Variants in GOLGA6L10 observed in about 807,000 individuals in gnomAD.
GOLGA6L10 encodes golgin A6 family like 10, also known as golgin subfamily A member 6-like protein 10.
In GOLGA6L10, 4 loss-of-function variants were observed where a neutral mutation model predicts 56.9. The observed-to-expected ratio is 0.07, with a 90% confidence interval of 0.03 to 0.16. The LOEUF is 0.16. Ranked by LOEUF, GOLGA6L10 falls within the 10% of genes least tolerant of loss-of-function variation. The probability of loss-of-function intolerance (pLI) is 1.00; values close to 1 mark genes in which losing one functional copy is unlikely to be tolerated. For synonymous variants in GOLGA6L10, 11 were observed against 220.9 expected (o/e 0.05, Z 8.43); for missense variants, 34 against 558.3 (o/e 0.06, Z 9.46).
intron 1 of GOLGA6L10, among the ~76,000 whole-genome samples, chr15:82,347,954 T>A (rs1419726913): frequency 6.6e-6 from 1 of 152,244 alleles, no homozygotes; most frequent in African/African-American, 2.4e-5. Flanking sequence ...GCAGGAACTG[T>A]AGGCCGTGTG....
chr15:82,344,060 G>A (rs2075659208), intron 7 of GOLGA6L10, among the ~76,000 whole-genome samples: 1 of 150,526 alleles, frequency 6.6e-6, no homozygotes, highest in East Asian at 1.9e-4. Flanking sequence ...TCCAGACCTG[G>A]GAGGGCCCCA....
intron 1 of GOLGA6L10, among the ~76,000 whole-genome samples, chr15:82,348,109 C>T (rs2075698840): frequency 6.6e-6 from 1 of 151,660 alleles, no homozygotes; most frequent in African/African-American, 2.4e-5. Context: ...CAACCCAAGC[C>T]TCATTTCAGA....
rs1183060206 is a variant in GOLGA6L10 at position 82,340,382 on chromosome 15, A to C, written c.*2394T>G. ...ATTTACATTTTCACATTTTCTAAAA[A>C]TCAGCTTTGGTTTTAGAACTGATTG... On this transcript the variant is annotated 3_prime_UTR_variant, in exon 9 of 9. Coordinates refer to ENST00000610657, the MANE Select transcript of GOLGA6L10 (RefSeq NM_001164465.3). 6.6e-6 allele frequency: 1 copy of C among 151,574 alleles called. No homozygotes were observed. Among genetic ancestry groups the C allele is most frequent in the Non-Finnish European group, 1.5e-5 (1 of 67,850 alleles). The allele number at this position is 151,574 out of a possible 1,614,324, so 9.4% of individuals were successfully genotyped here. A position where few individuals can be genotyped will look rare whatever the true frequency, so the allele number is the denominator to read the frequency against.
chr15:82,342,689 T>A lies in GOLGA6L10; in HGVS notation c.*87A>T. On this transcript the variant is annotated 3_prime_UTR_variant, in exon 9 of 9. Coordinates refer to ENST00000610657, the MANE Select transcript of GOLGA6L10 (RefSeq NM_001164465.3). ...AAACACAAATAAACATAAGTGGCTC[T>A]AACATTCAAATGAAGTAAATGAATT... The A allele has an allele frequency of 6.3e-7, 1 of 1,581,030 alleles. No individual in the cohort carries two copies. Among genetic ancestry groups the A allele is most frequent in the Middle Eastern group, 2.3e-4 (1 of 4,398 alleles).
In GOLGA6L10 at chr15:82,342,509, G is replaced by C. The variant is rs1210960069; in HGVS notation, c.*267C>G. 1.2e-6 allele frequency: 1 copy of C among 833,712 alleles called. No individual in the cohort carries two copies. The highest frequency in any genetic ancestry group is 1.7e-6 in the Non-Finnish European group (1 of 590,330). The allele number at this position is 833,712 out of a possible 1,614,324, so 51.6% of individuals were successfully genotyped here. A position where few individuals can be genotyped will look rare whatever the true frequency, so the allele number is the denominator to read the frequency against. ...TAAAAAAATGCTAAAAGATGCCAGA[G>C]TGAACATGAGAGAAAGACCCACTCT... is the stretch of plus-strand genomic sequence containing the variant. On this transcript the variant is annotated 3_prime_UTR_variant, in exon 9 of 9. Coordinates refer to ENST00000610657, the MANE Select transcript of GOLGA6L10 (RefSeq NM_001164465.3).
chr15:82,341,999 G>C lies in GOLGA6L10; in HGVS notation c.*777C>G, dbSNP rs2075642890. The C allele has an allele frequency of 7.8e-6, 1 of 128,352 alleles. No individual in the cohort carries two copies. The highest frequency in any genetic ancestry group is 1.6e-5 in the Non-Finnish European group (1 of 62,682). The allele number at this position is 128,352 out of a possible 1,614,324, so 8.0% of individuals were successfully genotyped here. A position where few individuals can be genotyped will look rare whatever the true frequency, so the allele number is the denominator to read the frequency against. On this transcript the variant is annotated 3_prime_UTR_variant, in exon 9 of 9. Coordinates refer to ENST00000610657, the MANE Select transcript of GOLGA6L10 (RefSeq NM_001164465.3). ...ATCCTAAGGGAACTACCGTAGTACA[G>C]CGCTCATTCTTGGCACCGGAACAAA... is the stretch of plus-strand genomic sequence containing the variant.
chr15:82,347,546 G>A lies in GOLGA6L10; in HGVS notation c.168C>T (p.Asp56=), dbSNP rs2075694291. 1 of 1,610,690 alleles carries A rather than the reference G, an allele frequency of 6.2e-7. No individual in the cohort carries two copies. Among genetic ancestry groups the A allele is most frequent in the Non-Finnish European group, 8.5e-7 (1 of 1,179,978 alleles). ...RKKKVNGSSP[D]TATSGGYHSP... ...AGTGGTAACCACCAGAAGTGGCTGT[G>A]TCAGGGCTACTGCCATTGACTTTCT... The change falls in exon 2 of 9, where the codon GAC becomes GAT. Residue 56 remains aspartate, a synonymous_variant. Transcript: ENST00000610657.
rs781678678 is a variant in GOLGA6L10 at position 82,347,799 on chromosome 15, G to GAA, written c.85-172_85-171dup. Among the ~76,000 whole-genome samples, 1,036 of 148,176 alleles carry GAA rather than the reference G, an allele frequency of 7.0e-3. 2 individuals carry two copies. Among genetic ancestry groups the GAA allele is most frequent in the African/African-American group, 0.023 (904 of 39,858 alleles). On this transcript the variant is annotated intron_variant, in intron 1 of 8. Transcript: ENST00000610657. ...CTGAGAGGGATTCATATCATGGATA[G>GAA]AAAAAAAAAAAAAGAAAGATCAAAA... is the stretch of plus-strand genomic sequence containing the variant.
chr15:82,347,808 A>AAG (rs1277323051), intron 1 of GOLGA6L10, among the ~76,000 whole-genome samples, 179 bp from the exon 2 acceptor site: 1 of 152,212 alleles, frequency 6.6e-6, no homozygotes, highest in African/African-American at 2.4e-5. Context: ...AGAAAAAAAA[A>AAG]AAAAGAAAGA....
Position 82,342,625 on chromosome 15 carries a change from A to C in GOLGA6L10, c.*151T>G. The C allele has an allele frequency of 1.4e-6, 2 of 1,399,426 alleles. No homozygotes were observed. The highest frequency in any genetic ancestry group is 2.5e-5 in the East Asian group (1 of 39,640). 86.7% of individuals were successfully genotyped at this position (1,399,426 alleles called of 1,614,324 possible). ...TTAGAAACACAAATAAATTTAAATT[A>C]TAAATTAGAAACACAAATAAATTTA... On this transcript the variant is annotated 3_prime_UTR_variant, in exon 9 of 9. Coordinates refer to ENST00000610657, the MANE Select transcript of GOLGA6L10 (RefSeq NM_001164465.3).
In GOLGA6L10 at chr15:82,344,097, G is replaced by A. The variant is rs1432054470; in HGVS notation, c.1333+164C>T. 2.7e-5 allele frequency among the ~76,000 whole-genome samples: 4 copies of A among 149,860 alleles called. 1 individual carries two copies. The highest frequency in any genetic ancestry group is 1.0e-4 in the African/African-American group (4 of 39,162). ...GGCTACCCACCTCTAAAAGTCAGAG[G>A]GCAGGAAGCAAGAAACAGTCATAGG... On this transcript the variant is annotated intron_variant, in intron 7 of 8. Transcript: ENST00000610657.
At position 82,345,755 on chromosome 15, in the gene GOLGA6L10, C is replaced by T; in HGVS notation, c.433+54G>A. On this transcript the variant is annotated intron_variant, in intron 5 of 8. Coordinates refer to ENST00000610657, the MANE Select transcript of GOLGA6L10 (RefSeq NM_001164465.3). ...CCTCCCTGGGGCATTCTAAGTCACC[C>T]CCACAGCCCTCTAATGCCAGTCCAG... 8.1e-7 allele frequency: 1 copy of T among 1,237,856 alleles called. No individual in the cohort carries two copies. Among genetic ancestry groups the T allele is most frequent in the South Asian group, 1.3e-5 (1 of 78,982 alleles). The allele number at this position is 1,237,856 out of a possible 1,614,324, so 76.7% of individuals were successfully genotyped here. A position where few individuals can be genotyped will look rare whatever the true frequency, so the allele number is the denominator to read the frequency against.
chr15:82,343,626 G>C (rs2075656444), intron 7 of GOLGA6L10, among the ~76,000 whole-genome samples: 1 of 151,670 alleles, frequency 6.6e-6, no homozygotes, highest in Non-Finnish European at 1.5e-5. Flanking sequence ...TGGAACCGAG[G>C]CCGGAATCCA....
Position 82,340,380 on chromosome 15 carries a change from A to C in GOLGA6L10, c.*2396T>G, listed in dbSNP as rs1247814942. The C allele has an allele frequency of 2.6e-5, 4 of 151,520 alleles. No homozygotes were observed. Among genetic ancestry groups the C allele is most frequent in the Non-Finnish European group, 4.4e-5 (3 of 67,830 alleles). 9.4% of individuals were successfully genotyped at this position (151,520 alleles called of 1,614,324 possible). A position where few individuals can be genotyped will look rare whatever the true frequency, so the allele number is the denominator to read the frequency against. Reference sequence around the variant, plus strand: ...TGATTTACATTTTCACATTTTCTAAAAATCAGCTTTGGTTTTAGAACTGAT... The same window carrying C: ...TGATTTACATTTTCACATTTTCTAACAATCAGCTTTGGTTTTAGAACTGAT... On this transcript the variant is annotated 3_prime_UTR_variant, in exon 9 of 9. Coordinates refer to ENST00000610657, the MANE Select transcript of GOLGA6L10 (RefSeq NM_001164465.3).
rs1389990308 is a variant in GOLGA6L10, at chr15:82,342,557, T to C, written c.*219A>G. 9.1e-7 allele frequency: 1 copy of C among 1,098,492 alleles called. No homozygotes were observed. The highest frequency in any genetic ancestry group is 1.7e-5 in the African/African-American group (1 of 58,544). 68.0% of individuals were successfully genotyped at this position (1,098,492 alleles called of 1,614,324 possible). ...TCTCATTTAACTTTTTACAAATAAA[T>C]TTAAATTATAAATTAGAAACACAAA... On this transcript the variant is annotated 3_prime_UTR_variant, in exon 9 of 9. Transcript: ENST00000610657.
chr15:82,342,734 T>A lies in GOLGA6L10; in HGVS notation c.*42A>T. 2 of 1,597,090 alleles carry A rather than the reference T, an allele frequency of 1.3e-6. No individual in the cohort carries two copies. Among genetic ancestry groups the A allele is most frequent in the Non-Finnish European group, 1.7e-6 (2 of 1,179,446 alleles). On this transcript the variant is annotated 3_prime_UTR_variant, in exon 9 of 9. Transcript: ENST00000610657. Reference sequence around the variant, plus strand: ...TGAATTGTGTAGGATATTAACCCCTTAAATGTTTTGTTTTTTTTTTTTTCA... The same window carrying A: ...TGAATTGTGTAGGATATTAACCCCTAAAATGTTTTGTTTTTTTTTTTTTCA...
rs2075679416 is a variant in GOLGA6L10, at chr15:82,345,443, A to G, written c.434-17T>C. On this transcript the variant is annotated splice_polypyrimidine_tract_variant and intron_variant, in intron 5 of 8. Coordinates refer to ENST00000610657, the MANE Select transcript of GOLGA6L10 (RefSeq NM_001164465.3). Reference sequence around the variant, plus strand: ...GGGGTTCAGCTGAGAAAGCAAGCAGAGAATAAGGGCCTCTGGATTCTCAAA... The same window carrying G: ...GGGGTTCAGCTGAGAAAGCAAGCAGGGAATAAGGGCCTCTGGATTCTCAAA... 1 of 1,597,736 alleles carries G rather than the reference A, an allele frequency of 6.3e-7. No individual in the cohort carries two copies. Among genetic ancestry groups the G allele is most frequent in the Non-Finnish European group, 8.5e-7 (1 of 1,178,248 alleles).
intron 1 of GOLGA6L10, among the ~76,000 whole-genome samples, chr15:82,348,246 C>CA (rs1479886103): frequency 4.0e-5 from 6 of 151,110 alleles, no homozygotes; most frequent in Non-Finnish European, 8.9e-5. Flanking sequence ...CTGTGGCACT[C>CA]AAAGTACCCC....
chr15:82,344,016 G>A (rs1160693008), intron 7 of GOLGA6L10, among the ~76,000 whole-genome samples: 1 of 150,366 alleles, frequency 6.7e-6, no homozygotes, highest in Non-Finnish European at 1.5e-5. Flanking sequence ...TGTGATTGGG[G>A]GGCTCCATGC....
Sources: allele counts gnomAD v4.1 joint callset (sites outside exome capture counted in the v4.1 genomes callset), GRCh38; gene constraint gnomAD v4.1.1; transcripts MANE v1.5; gene names NCBI Gene and HGNC (gene_info 2026-07-23, HGNC 2026-07-21).